Variants in CEP63 observed in about 807,000 individuals in gnomAD.
CEP63 encodes centrosomal protein 63, also known as centrosomal protein of 63 kDa.
A neutral mutation model predicts 89.1 loss-of-function variants in CEP63; 84 were observed. The observed-to-expected ratio is 0.94, with a 90% CI of 0.79 to 1.13. The LOEUF (loss-of-function observed/expected upper bound fraction) is 1.13, where lower values mean the gene tolerates loss of function less well. Ranked by LOEUF, CEP63 falls within the 50% of genes most tolerant of loss-of-function variation. CEP63 has a pLI of 0.00. For missense variants in CEP63, 838 were observed against 813.3 expected, an observed-to-expected ratio of 1.03 and a Z score of -0.37; for synonymous variants, 267 against 272.5, an observed-to-expected ratio of 0.98 and a Z score of 0.20.
downstream of CEP63, among the ~76,000 whole-genome samples, chr3:134,587,989 T>G (rs1397003722): frequency 6.6e-6 from 1 of 152,184 alleles, no homozygotes; most frequent in Non-Finnish European, 1.5e-5. Flanking sequence ...ATGTCCCTCT[T>G]CAAATACAAG....
downstream of CEP63, among the ~76,000 whole-genome samples, chr3:134,568,786 C>G (rs550281353): frequency 6.6e-6 from 1 of 152,362 alleles, no homozygotes; most frequent in South Asian, 2.1e-4. Flanking sequence ...ATCCACATTT[C>G]TCAAGCTGTT....
At chr3:134,752,576 G>A in the CEP63 span, among the ~76,000 whole-genome samples, 1 of 152,108 alleles carries the variant, frequency 6.6e-6, no homozygotes, top group East Asian at 1.9e-4. Flanking sequence ...TACATAGACA[G>A]CACACTCATT....
At chr3:134,531,521 G>T (rs1949849455) in intron 3 of CEP63, among the ~76,000 whole-genome samples, 1 of 152,162 alleles carries the variant, frequency 6.6e-6, no homozygotes, top group Admixed American at 6.5e-5. Context: ...GGCAGAGGTT[G>T]CAGTGAGCCA....
At chr3:134,661,255 A>C in the CEP63 span, among the ~76,000 whole-genome samples, 1 of 152,072 alleles carries the variant, frequency 6.6e-6, no homozygotes, top group Non-Finnish European at 1.5e-5. Flanking sequence ...CATCTATCCG[A>C]TCCATCCCAC....
the CEP63 span, among the ~76,000 whole-genome samples, chr3:134,614,300 C>T: frequency 1.4e-4 from 21 of 152,116 alleles, no homozygotes; most frequent in Admixed American, 6.6e-4. Context: ...TATTTAATGA[C>T]CTCAGACTGC....
intron 11 of CEP63, among the ~76,000 whole-genome samples, chr3:134,572,833 C>T (rs1474023218): frequency 6.6e-6 from 1 of 152,222 alleles, no homozygotes; most frequent in Non-Finnish European, 1.5e-5. Flanking sequence ...AATCTCCAAA[C>T]TGTTTTCCAC....
chr3:134,682,189 T>C, the CEP63 span, among the ~76,000 whole-genome samples: 16 of 152,286 alleles, frequency 1.1e-4, no homozygotes, highest in African/African-American at 3.8e-4. Context: ...GAGCCATCAA[T>C]TGGTTTCATT....
At chr3:134,579,302 G>A (rs530330094), downstream of CEP63, among the ~76,000 whole-genome samples, 5 of 144,656 alleles carry the variant, frequency 3.5e-5, no homozygotes, top group Non-Finnish European at 6.1e-5. Flanking sequence ...GCACTTTACC[G>A]GGAATAATGT....
chr3:134,707,650 G>A, the CEP63 span, among the ~76,000 whole-genome samples: 1 of 151,990 alleles, frequency 6.6e-6, no homozygotes, highest in Middle Eastern at 3.2e-3. Flanking sequence ...GTTGTACAAC[G>A]GTGATGTTGA....
the CEP63 span, among the ~76,000 whole-genome samples, chr3:134,717,224 G>T: frequency 2.0e-5 from 3 of 152,180 alleles, no homozygotes; most frequent in Non-Finnish European, 1.5e-5. Context: ...CACTGGATGA[G>T]GCTGTTTAAA....
chr3:134,555,700 A>C (rs1020702646), intron 12 of CEP63, among the ~76,000 whole-genome samples: 1 of 152,076 alleles, frequency 6.6e-6, no homozygotes, highest in South Asian at 2.1e-4. Context: ...TATACTGCCC[A>C]AGGTAATTTA....
At chr3:134,534,755 T>C (rs115084461) in intron 5 of CEP63, among the ~76,000 whole-genome samples, 1,863 of 152,266 alleles carry the variant, frequency 0.012, 31 homozygotes, top group South Asian at 0.073. Context: ...TAACCTCAAA[T>C]GGGTCCTAAT....
the CEP63 span, among the ~76,000 whole-genome samples, chr3:134,595,510 A>G: frequency 1.3e-5 from 2 of 152,206 alleles, no homozygotes; most frequent in Non-Finnish European, 2.9e-5. Flanking sequence ...TGGCAAATAC[A>G]TGGCACACCT....
chr3:134,540,918 A>G (rs905731052), intron 6 of CEP63, among the ~76,000 whole-genome samples: 2 of 151,894 alleles, frequency 1.3e-5, no homozygotes, highest in African/African-American at 4.8e-5. Context: ...AGTAGCTGGG[A>G]TTACAGGTGC....
the CEP63 span, among the ~76,000 whole-genome samples, chr3:134,670,719 A>T: frequency 6.6e-6 from 1 of 152,264 alleles, no homozygotes; most frequent in Non-Finnish European, 1.5e-5. Context: ...ACCAGGTCAG[A>T]TCATGTACAT....
chr3:134,601,758 G>A, the CEP63 span, among the ~76,000 whole-genome samples: 5 of 152,236 alleles, frequency 3.3e-5, no homozygotes, highest in Non-Finnish European at 7.3e-5. Context: ...TGGATGATGG[G>A]CACCCTTGTG....
chr3:134,635,427 G>A, the CEP63 span, among the ~76,000 whole-genome samples: 1 of 149,340 alleles, frequency 6.7e-6, no homozygotes, highest in Non-Finnish European at 1.5e-5. Context: ...GACCTGGGAG[G>A]CGGAGGTTGC....
At chr3:134,612,461 G>T in the CEP63 span, among the ~76,000 whole-genome samples, 5 of 152,138 alleles carry the variant, frequency 3.3e-5, no homozygotes, top group Non-Finnish European at 2.9e-5. Flanking sequence ...GTGCTGAGGG[G>T]ATGCAAGGCT....
chr3:134,535,405 A>G (rs1559968141), intron 5 of CEP63: 1 of 152,166 alleles, frequency 6.6e-6, no homozygotes, highest in Non-Finnish European at 1.5e-5. Context: ...TGGCTTGAGA[A>G]AAACCACATT....
Sources: allele counts gnomAD v4.1 joint callset (sites outside exome capture counted in the v4.1 genomes callset), GRCh38; gene constraint gnomAD v4.1.1; transcripts MANE v1.5; gene names NCBI Gene and HGNC (gene_info 2026-07-23, HGNC 2026-07-21).